Variants in KRT86 observed in about 807,000 individuals in gnomAD.
The protein encoded by KRT86 is keratin, type II cuticular Hb6.
A neutral mutation model predicts 41.2 loss-of-function variants in KRT86; 30 were observed. The observed-to-expected ratio is 0.73, with a 90% confidence interval of 0.54 to 0.99. KRT86 has a LOEUF of 0.99. Ranked by LOEUF, KRT86 falls within the 50% of genes least tolerant of loss-of-function variation. KRT86 has a pLI of 0.00. For synonymous variants in KRT86, 238 were observed against 238.1 expected, an observed-to-expected ratio of 1.00 and a Z score of 0.00; for missense variants, 561 against 571.4, an observed-to-expected ratio of 0.98 and a Z score of 0.19.
At chr12:52,291,041 G>C (rs1186081397) in intron 2 of KRT86, 2 of 482,124 alleles carry the variant, frequency 4.1e-6, no homozygotes, top group Admixed American at 4.8e-5. Flanking sequence ...CTTAGTGCCC[G>C]GCCCTGGCTG....
intron 2 of KRT86, among the ~76,000 whole-genome samples, chr12:52,299,802 G>T (rs955892328): frequency 3.3e-5 from 5 of 152,120 alleles, no homozygotes; most frequent in African/African-American, 1.2e-4. Flanking sequence ...TGGTTTACTT[G>T]CTATTGAGTT....
intron 9 of KRT86, 191 bp downstream of exon 9, chr12:52,306,471 C>A: frequency 1.3e-6 from 1 of 793,638 alleles, no homozygotes; most frequent in Non-Finnish European, 2.0e-6. Flanking sequence ...AGGCACTGAT[C>A]TGAGATTGCA....
chr12:52,286,720 C>G (rs1937953089), intron 2 of KRT86: 6 of 1,509,220 alleles, frequency 4.0e-6, no homozygotes, highest in Non-Finnish European at 1.8e-6. Context: ...CAGTAACACT[C>G]CTTTTTCCAA....
At chr12:52,280,216 C>T (rs535427779) in intron 2 of KRT86, among the ~76,000 whole-genome samples, 16 of 152,228 alleles carry the variant, frequency 1.1e-4, no homozygotes, top group South Asian at 6.2e-4. Context: ...TGAAATCAGA[C>T]GGAGGCTCCA....
chr12:52,302,081 G>T lies in KRT86; in HGVS notation c.165G>T (p.Arg55=). 1 of 1,593,484 alleles carries T rather than the reference G, an allele frequency of 6.3e-7. No individual in the cohort carries two copies. Among genetic ancestry groups the T allele is most frequent in the Non-Finnish European group, 8.5e-7 (1 of 1,171,478 alleles). The change falls in exon 3 of 11, where the codon CGG becomes CGT. Residue 55 remains arginine (R), a synonymous_variant. Transcript: ENST00000423955. ...GCCACAGCGTGTGCGGAGGCTTTCG[G>T]GCCGGCTCCTGCGGACGCAGCTTCG... ...FGSHSVCGGF[R]AGSCGRSFGY... is the part of the protein sequence containing the mutation.
rs1938384421 is a variant in KRT86, at chr12:52,301,829, A to C, written c.-4-84A>C. ...TTATATAAAAGGCCTACAGAGGTGC[A>C]AGTAGTGAACGCCTGACGCCCCGAC... On this transcript the variant is annotated intron_variant, in intron 2 of 10. Transcript: ENST00000423955. 3.1e-6 allele frequency: 5 copies of C among 1,612,836 alleles called. No homozygotes were observed. In the African/African-American group the frequency reaches 4.0e-5, roughly 13 times the overall value.
At chr12:52,305,968 C>T (rs1367127456) in intron 8 of KRT86, 92 bp from the exon 9 acceptor site, 1 of 1,579,350 alleles carries the variant, frequency 6.3e-7, no homozygotes, top group African/African-American at 1.3e-5. Flanking sequence ...TTCTGGGGTG[C>T]TCCCAGCTTG....
chr12:52,308,680 T>G lies in KRT86; in HGVS notation c.*95T>G. ...CGCGCCGCCCGCGCCGGCCTCCCAATAGCCGCCGCCCGCTGCCTGCACTCT... is the reference window on the plus strand; with the variant it reads ...CGCGCCGCCCGCGCCGGCCTCCCAAGAGCCGCCGCCCGCTGCCTGCACTCT... On this transcript the variant is annotated 3_prime_UTR_variant, in exon 11 of 11. Transcript: ENST00000423955. 12 of 1,199,324 alleles carry G rather than the reference T, an allele frequency of 1.0e-5. No individual in the cohort carries two copies. Among genetic ancestry groups the G allele is most frequent in the Admixed American group, 2.0e-5 (1 of 49,652 alleles). The allele number at this position is 1,199,324 out of a possible 1,614,324, so 74.3% of individuals were successfully genotyped here. A position where few individuals can be genotyped will look rare whatever the true frequency, so the allele number is the denominator to read the frequency against.
At chr12:52,299,635 C>T (rs1265767893) in intron 2 of KRT86, among the ~76,000 whole-genome samples, 1 of 152,132 alleles carries the variant, frequency 6.6e-6, no homozygotes, top group African/African-American at 2.4e-5. Flanking sequence ...TGATAAAAGT[C>T]ATTTTAATTG....
intron 2 of KRT86, among the ~76,000 whole-genome samples, chr12:52,294,556 C>T (rs866340824): frequency 6.6e-6 from 1 of 152,022 alleles, no homozygotes; most frequent in African/African-American, 2.4e-5. Flanking sequence ...TTGGCTCTGG[C>T]AAGGTAAAGA....
intron 2 of KRT86, among the ~76,000 whole-genome samples, chr12:52,300,758 T>G (rs1229375548): frequency 1.3e-5 from 2 of 152,216 alleles, no homozygotes; most frequent in Non-Finnish European, 2.9e-5. Context: ...GGCTGGATGC[T>G]CTCCTCATGT....
intron 2 of KRT86, chr12:52,285,985 G>A (rs932814933): frequency 1.5e-5 from 8 of 522,914 alleles, no homozygotes; most frequent in Non-Finnish European, 2.1e-5. Context: ...GGCAGTTGCC[G>A]TGGGCAAGGT....
At chr12:52,293,263 C>T (rs1476924860) in intron 2 of KRT86, among the ~76,000 whole-genome samples, 2 of 152,184 alleles carry the variant, frequency 1.3e-5, no homozygotes, top group Non-Finnish European at 2.9e-5. Flanking sequence ...CTCTAATTCT[C>T]ACATCAATCA....
intron 6 of KRT86, 56 bp from the exon 7 acceptor site, chr12:52,305,184 G>A: frequency 1.9e-6 from 3 of 1,613,676 alleles, no homozygotes; most frequent in Non-Finnish European, 2.5e-6. Flanking sequence ...GTGGAGTCAG[G>A]ACATGGTGGG....
chr12:52,308,248 C>G lies in KRT86; in HGVS notation c.1263C>G (p.Val421=). ...CTCCCTGCAGGCTGTGCGAGGGCGT[C>G]GGCTCGGTGAATGTCTGTAAGTAGT... ...EGEEQRLCEG[V]GSVNVCVSSS... The change falls in exon 10 of 11, where the codon GTC becomes GTG. Residue 421 remains valine (V), a synonymous_variant. Coordinates refer to ENST00000423955, the MANE Select transcript of KRT86 (RefSeq NM_001320198.2). The G allele has an allele frequency of 3.1e-6, 5 of 1,614,208 alleles. No individual in the cohort carries two copies. Among genetic ancestry groups the G allele is most frequent in the Non-Finnish European group, 4.2e-6 (5 of 1,180,056 alleles).
rs550270681 is a variant in KRT86 at position 52,305,623 on chromosome 12, G to T, written c.901-40G>T. 9 of 1,613,966 alleles carry T rather than the reference G, an allele frequency of 5.6e-6. No homozygotes were observed. The South Asian group carries it at 7.7e-5, about 14-fold the overall frequency. ...CTGTCATGCCCTGAATGGGTGGGAG[G>T]TCCCACCCTGAACCTCATGAGCATC... On this transcript the variant is annotated intron_variant, in intron 7 of 10. Transcript: ENST00000423955.
chr12:52,280,863 T>G (rs888745482), intron 2 of KRT86, among the ~76,000 whole-genome samples: 1 of 152,210 alleles, frequency 6.6e-6, no homozygotes, highest in Admixed American at 6.5e-5. Flanking sequence ...ATGATGATCA[T>G]GTCAACAAGG....
intron 2 of KRT86, among the ~76,000 whole-genome samples, chr12:52,299,939 T>G (rs1938335161): frequency 6.6e-6 from 1 of 152,260 alleles, no homozygotes; most frequent in African/African-American, 2.4e-5. Context: ...AGAAGTTCTT[T>G]TAGCTCGATG....
chr12:52,301,098 G>A (rs188436253), intron 2 of KRT86, among the ~76,000 whole-genome samples: 23 of 152,194 alleles, frequency 1.5e-4, no homozygotes, highest in African/African-American at 4.8e-4. Flanking sequence ...GTGTGTGTGT[G>A]TGAGATGGTG....
Sources: allele counts gnomAD v4.1 joint callset (sites outside exome capture counted in the v4.1 genomes callset), GRCh38; gene constraint gnomAD v4.1.1; transcripts MANE v1.5; gene names NCBI Gene and HGNC (gene_info 2026-07-23, HGNC 2026-07-21).